BBX: variants seen among roughly 807,000 people sequenced by gnomAD.
BBX encodes HMG box transcription factor BBX.
Under a neutral mutation model 100.2 loss-of-function variants are expected in BBX, and 30 were observed. That is an observed-to-expected ratio of 0.30 (90% CI 0.22 to 0.41). The LOEUF (loss-of-function observed/expected upper bound fraction) is 0.41, where lower values mean the gene tolerates loss of function less well. Among genes scored for constraint, BBX ranks in the 10% least tolerant of loss-of-function variants. The pLI is 1.00. For missense variants in BBX, 1,023 were observed against 1,129.8 expected, an observed-to-expected ratio of 0.91 and a Z score of 1.35; for synonymous variants, 376 against 388.1, an observed-to-expected ratio of 0.97 and a Z score of 0.37.
chr3:107,624,495 G>A (rs1306100574), intron 2 of BBX, among the ~76,000 whole-genome samples: 1 of 152,134 alleles, frequency 6.6e-6, no homozygotes, highest in Non-Finnish European at 1.5e-5. Context: ...CGTAATAAAA[G>A]TATTAGAACA....
intron 3 of BBX, among the ~76,000 whole-genome samples, chr3:107,666,284 C>A (rs2058737917): frequency 6.6e-6 from 1 of 152,204 alleles, no homozygotes; most frequent in Non-Finnish European, 1.5e-5. Context: ...GGTATAGACT[C>A]TTCCTCACCT....
At chr3:107,720,268 A>G (rs551338424) in intron 5 of BBX, among the ~76,000 whole-genome samples, 7 of 152,036 alleles carry the variant, frequency 4.6e-5, no homozygotes, top group African/African-American at 1.4e-4. Context: ...CAACCTACCC[A>G]CTTTAGATGC....
At chr3:107,556,221 A>C (rs2050086567) in intron 2 of BBX, among the ~76,000 whole-genome samples, 1 of 152,186 alleles carries the variant, frequency 6.6e-6, no homozygotes, top group Non-Finnish European at 1.5e-5. Flanking sequence ...TCATTTTAGA[A>C]AATTACTGGT....
At position 107,805,361 on chromosome 3, in the gene BBX, A is replaced by C. The variant is rs750785501; in HGVS notation, c.2739-9A>C. ...GAATAAGTGACTTTTTCTTCCTTTTATTTTACAGAGGTCAGAGGTCAACTC... is the reference window on the plus strand; with the variant it reads ...GAATAAGTGACTTTTTCTTCCTTTTCTTTTACAGAGGTCAGAGGTCAACTC... On this transcript the variant is annotated splice_polypyrimidine_tract_variant and intron_variant, in intron 17 of 17. Coordinates refer to ENST00000325805, the MANE Select transcript of BBX (RefSeq NM_001142568.3). The C allele has an allele frequency of 6.2e-7, 1 of 1,603,504 alleles. No homozygotes were observed. The highest frequency in any genetic ancestry group is 2.2e-5 in the East Asian group (1 of 44,724).
chr3:107,750,543 T>C (rs989758633), intron 9 of BBX, among the ~76,000 whole-genome samples: 1 of 152,206 alleles, frequency 6.6e-6, no homozygotes, highest in African/African-American at 2.4e-5. Context: ...CTGTAAATGT[T>C]ATATGTGTTT....
At chr3:107,576,803 A>G (rs1382930915) in intron 2 of BBX, among the ~76,000 whole-genome samples, 2 of 152,064 alleles carry the variant, frequency 1.3e-5, no homozygotes, top group African/African-American at 4.8e-5. Context: ...AAAACGCACT[A>G]TTTTTCTTTC....
chr3:107,721,363 T>C (rs992618242), intron 5 of BBX, among the ~76,000 whole-genome samples: 5 of 146,810 alleles, frequency 3.4e-5, no homozygotes, highest in African/African-American at 1.4e-4. Context: ...TTTTGTTTTT[T>C]GTTTTGTTTT....
chr3:107,793,171 A>G (rs1406285566), intron 15 of BBX, among the ~76,000 whole-genome samples: 2 of 152,162 alleles, frequency 1.3e-5, no homozygotes, highest in Non-Finnish European at 2.9e-5. Context: ...TATTGCTCTG[A>G]TATCTTGAGT....
At chr3:107,560,035 C>T (rs988707160) in intron 2 of BBX, among the ~76,000 whole-genome samples, 1 of 152,190 alleles carries the variant, frequency 6.6e-6, no homozygotes, top group African/African-American at 2.4e-5. Flanking sequence ...TGAGTTACCA[C>T]ACTGGGCCAG....
At chr3:107,714,882 T>C (rs1018716863) in intron 4 of BBX, among the ~76,000 whole-genome samples, 2 of 151,790 alleles carry the variant, frequency 1.3e-5, no homozygotes, top group Non-Finnish European at 2.9e-5. Flanking sequence ...GCCTCCTGGG[T>C]TCAAGCAATT....
intron 17 of BBX, among the ~76,000 whole-genome samples, chr3:107,802,345 C>T (rs2070589266): frequency 6.6e-6 from 1 of 152,212 alleles, no homozygotes; most frequent in Non-Finnish European, 1.5e-5. Context: ...CACAAATAGC[C>T]TCTAGATATT....
intron 2 of BBX, among the ~76,000 whole-genome samples, chr3:107,532,232 A>G (rs1023048252): frequency 1.3e-5 from 2 of 152,088 alleles, no homozygotes; most frequent in African/African-American, 4.8e-5. Flanking sequence ...ACCAATGTTT[A>G]CATATGGGAC....
At chr3:107,530,207 C>T (rs1202972508) in intron 2 of BBX, among the ~76,000 whole-genome samples, 1 of 152,080 alleles carries the variant, frequency 6.6e-6, no homozygotes, top group African/African-American at 2.4e-5. Context: ...GCCTGGCCAA[C>T]ATGGTGAAAC....
chr3:107,537,713 T>C (rs1576216193), intron 2 of BBX, among the ~76,000 whole-genome samples: 3 of 152,320 alleles, frequency 2.0e-5, no homozygotes, highest in East Asian at 1.9e-4. Context: ...TTCATGACTT[T>C]TGTGTTTGTT....
intron 2 of BBX, among the ~76,000 whole-genome samples, chr3:107,531,253 T>A (rs1041818920): frequency 6.6e-5 from 10 of 152,178 alleles, no homozygotes; most frequent in African/African-American, 2.4e-4. Context: ...TCACCCTCTG[T>A]AGGTGCTCCT....
Position 107,807,401 on chromosome 3 carries a change from A to C in BBX, c.*1944A>C, listed in dbSNP as rs139741012. ...ATTTTTACTATGATGCTGTTTTATT[A>C]ATATTTTCTAAATTTCAAAACAAAA... On this transcript the variant is annotated 3_prime_UTR_variant, in exon 18 of 18. Transcript: ENST00000325805. 239 of 152,258 alleles carry C rather than the reference A, an allele frequency of 1.6e-3. 1 individual carries two copies. Among genetic ancestry groups the C allele is most frequent in the African/African-American group, 5.4e-3 (226 of 41,538 alleles). The allele number at this position is 152,258 out of a possible 1,614,324, so 9.4% of individuals were successfully genotyped here. A position where few individuals can be genotyped will look rare whatever the true frequency, so the allele number is the denominator to read the frequency against.
rs1042734544 is a variant in BBX at position 107,706,675 on chromosome 3, G to A, written c.-9-3777G>A. 2.6e-5 allele frequency among the ~76,000 whole-genome samples: 4 copies of A among 152,176 alleles called. No individual in the cohort carries two copies. In the East Asian group the frequency reaches 5.8e-4, roughly 22 times the overall value. ...CAACATTTGCTTCATTTACTGCATA[G>A]AGGTTATTAGCTTAATTTGCTCTTG... On this transcript the variant is annotated intron_variant, in intron 3 of 17. Transcript: ENST00000325805.
intron 3 of BBX, among the ~76,000 whole-genome samples, chr3:107,680,802 G>A (rs2059534180): frequency 1.3e-5 from 2 of 152,174 alleles, no homozygotes; most frequent in African/African-American, 4.8e-5. Flanking sequence ...ACAATTCCAT[G>A]TAACCTTTCA....
Position 107,772,884 on chromosome 3 carries a change from A to T in BBX, c.1163A>T (p.Asp388Val). ...GACATAATGGCTATAAAAATGGAAG[A>T]TCCCAAAGAAATTAGAAAGGAAGAG... ...IDDIMAIKMEDPKEIRKEELE... is the reference protein window; with the variant it reads ...IDDIMAIKMEVPKEIRKEELE... The change falls in exon 11 of 18, where the codon GAT (aspartate) becomes GTT (valine). Residue 388 changes from aspartate (D) to valine (V), a missense_variant. By Grantham distance (152) the Asp-to-Val change is radical. This residue lies in a region of BBX where 348 missense variants were observed against 353.2 expected (regional missense o/e 0.99). Coordinates refer to ENST00000325805, the MANE Select transcript of BBX (RefSeq NM_001142568.3). 6.2e-7 allele frequency: 1 copy of T among 1,611,796 alleles called. No individual in the cohort carries two copies. The highest frequency in any genetic ancestry group is 8.5e-7 in the Non-Finnish European group (1 of 1,179,482).
Sources: allele counts gnomAD v4.1 joint callset (sites outside exome capture counted in the v4.1 genomes callset), GRCh38; gene constraint gnomAD v4.1.1; regional missense constraint gnomAD v4.1.1; transcripts MANE v1.5; gene names NCBI Gene and HGNC (gene_info 2026-07-23, HGNC 2026-07-21).